The following CNTN1 variants were observed in gnomAD, a reference collection of about 807,000 sequenced individuals.
CNTN1 encodes the protein contactin 1.
In CNTN1, 38 loss-of-function variants were observed where a neutral mutation model predicts 126.4. That is an observed-to-expected ratio of 0.30 (90% confidence interval 0.23 to 0.39). The LOEUF (loss-of-function observed/expected upper bound fraction) is 0.39. Among genes scored for constraint, CNTN1 ranks in the 10% least tolerant of loss-of-function variants. CNTN1 has a pLI of 1.00. For missense variants in CNTN1, 1,009 were observed against 1,248.4 expected (o/e 0.81, Z 2.89); for synonymous variants, 413 against 422.6 (o/e 0.98, Z 0.28).
intron 1 of CNTN1, among the ~76,000 whole-genome samples, chr12:40,853,216 A>G (rs1274839949): frequency 6.6e-6 from 1 of 152,124 alleles, no homozygotes; most frequent in East Asian, 1.9e-4. Context: ...AGGTTGAAAA[A>G]AAATTGAATG....
At chr12:40,773,408 A>G (rs1205866922) in intron 1 of CNTN1, among the ~76,000 whole-genome samples, 2 of 151,436 alleles carry the variant, frequency 1.3e-5, no homozygotes, top group Non-Finnish European at 3.0e-5. Flanking sequence ...AATTCTCAAA[A>G]CCTATATTTA....
intron 15 of CNTN1, among the ~76,000 whole-genome samples, chr12:40,959,581 A>G (rs1451251816): frequency 6.6e-6 from 1 of 151,978 alleles, no homozygotes; most frequent in African/African-American, 2.4e-5. Context: ...ATTTCTATGG[A>G]AAAGATATAT....
At chr12:40,952,817 A>C (rs1349397202) in intron 14 of CNTN1, among the ~76,000 whole-genome samples, 1 of 152,164 alleles carries the variant, frequency 6.6e-6, no homozygotes, top group Admixed American at 6.6e-5. Flanking sequence ...CCAAAAGTAA[A>C]GAAGAAACGT....
At chr12:41,064,767 C>T (rs1241115463) in intron 23 of CNTN1, among the ~76,000 whole-genome samples, 2 of 101,424 alleles carry the variant, frequency 2.0e-5, no homozygotes, top group Non-Finnish European at 3.9e-5. Flanking sequence ...TATGCTACCT[C>T]TCTAGATAGA....
At chr12:40,808,581 A>T (rs933727357) in intron 1 of CNTN1, among the ~76,000 whole-genome samples, 3 of 152,182 alleles carry the variant, frequency 2.0e-5, no homozygotes, top group African/African-American at 7.2e-5. Context: ...TTTAAAGCTT[A>T]TCATTTAATT....
intron 1 of CNTN1, among the ~76,000 whole-genome samples, chr12:40,842,452 A>G (rs1432840118): frequency 6.6e-6 from 1 of 152,096 alleles, no homozygotes; most frequent in Non-Finnish European, 1.5e-5. Context: ...GGGTATCCCA[A>G]TTATCCTGAT....
At chr12:40,985,466 G>A (rs1180939028) in intron 16 of CNTN1, among the ~76,000 whole-genome samples, 1 of 151,900 alleles carries the variant, frequency 6.6e-6, no homozygotes, top group Non-Finnish European at 1.5e-5. Flanking sequence ...TCATCTTTAA[G>A]TATTATTTTT....
At chr12:40,708,214 A>G (rs1258915720) in intron 1 of CNTN1, among the ~76,000 whole-genome samples, 1 of 152,200 alleles carries the variant, frequency 6.6e-6, no homozygotes, top group African/African-American at 2.4e-5. Context: ...CTGGCAAGCT[A>G]TGAGCATACC....
intron 1 of CNTN1, among the ~76,000 whole-genome samples, chr12:40,810,169 T>C (rs1263993867): frequency 6.6e-6 from 1 of 152,218 alleles, no homozygotes; most frequent in Non-Finnish European, 1.5e-5. Flanking sequence ...GAATTTTGTT[T>C]GGGGCATTTA....
At chr12:40,898,965 T>C (rs369063066) in intron 1 of CNTN1, among the ~76,000 whole-genome samples, 40 of 152,312 alleles carry the variant, frequency 2.6e-4, no homozygotes, top group African/African-American at 8.2e-4. Flanking sequence ...GAAAGCACAG[T>C]GGCAGCAGTG....
intron 1 of CNTN1, among the ~76,000 whole-genome samples, chr12:40,848,548 A>G (rs542822516): frequency 3.9e-5 from 6 of 152,188 alleles, no homozygotes; most frequent in Non-Finnish European, 8.8e-5. Flanking sequence ...AGAGATTCAG[A>G]TACTATTTTG....
chr12:40,865,045 A>T (rs1943251576), intron 1 of CNTN1, among the ~76,000 whole-genome samples: 1 of 152,156 alleles, frequency 6.6e-6, no homozygotes, highest in South Asian at 2.1e-4. Flanking sequence ...GGTGTGAAGT[A>T]ATAGTTTATT....
intron 1 of CNTN1, among the ~76,000 whole-genome samples, chr12:40,814,062 A>G (rs1051550426): frequency 6.6e-6 from 1 of 152,090 alleles, no homozygotes; most frequent in African/African-American, 2.4e-5. Flanking sequence ...TTTCTTGTAA[A>G]TACGTTTAAG....
intron 1 of CNTN1, among the ~76,000 whole-genome samples, chr12:40,747,506 C>T (rs1340561147): frequency 1.3e-5 from 2 of 151,978 alleles, no homozygotes; most frequent in Non-Finnish European, 2.9e-5. Context: ...AGGTGGCTGG[C>T]CTGGTGCACA....
At chr12:40,700,491 A>T (rs906616993) in intron 1 of CNTN1, among the ~76,000 whole-genome samples, 1 of 151,946 alleles carries the variant, frequency 6.6e-6, no homozygotes, top group Non-Finnish European at 1.5e-5. Flanking sequence ...ATGCCATTGC[A>T]CTCCAGCCTG....
At chr12:41,052,392 G>A (rs1233818961) in intron 23 of CNTN1, among the ~76,000 whole-genome samples, 1 of 152,124 alleles carries the variant, frequency 6.6e-6, no homozygotes, top group East Asian at 1.9e-4. Context: ...ACTTTAAAAT[G>A]TCTGAATATA....
intron 1 of CNTN1, among the ~76,000 whole-genome samples, chr12:40,717,149 A>G (rs1942071499): frequency 6.6e-6 from 1 of 152,166 alleles, no homozygotes; most frequent in African/African-American, 2.4e-5. Flanking sequence ...TTCAGTAACT[A>G]CTGGAGACTG....
chr12:40,723,436 C>T (rs1942271073), intron 1 of CNTN1, among the ~76,000 whole-genome samples: 1 of 152,124 alleles, frequency 6.6e-6, no homozygotes, highest in African/African-American at 2.4e-5. Flanking sequence ...CAGATTGAAC[C>T]TTCAGAATTT....
rs1314094847 is a variant in CNTN1 at position 41,071,343 on chromosome 12, G to A, written c.*1308G>A. The A allele has an allele frequency of 6.6e-6, 1 of 152,194 alleles. No homozygotes were observed. Among genetic ancestry groups the A allele is most frequent in the Non-Finnish European group, 1.5e-5 (1 of 68,034 alleles). 9.4% of individuals were successfully genotyped at this position (152,194 alleles called of 1,614,324 possible). ...GGTGTGCATGGAAATGTGTTTGAGT[G>A]TGGATGTAAAAGAAATCGAGTAATA... On this transcript the variant is annotated 3_prime_UTR_variant, in exon 24 of 24. Transcript: ENST00000551295.
Sources: gnomAD v4.1 joint callset for allele counts (sites outside exome capture counted in the v4.1 genomes callset) on GRCh38, gnomAD v4.1.1 for gene constraint, MANE v1.5 for transcripts, NCBI Gene and HGNC (gene_info 2026-07-23, HGNC 2026-07-21) for gene names.